XRCC5: variants seen among roughly 807,000 people sequenced by gnomAD.
The protein encoded by XRCC5 is X-ray repair cross complementing 5.
In XRCC5, 12 loss-of-function variants were observed where a neutral mutation model predicts 95.7. That is an observed-to-expected ratio of 0.13 (90% CI 0.08 to 0.20). The LOEUF (loss-of-function observed/expected upper bound fraction) is 0.20, where lower values mean the gene tolerates loss of function less well. XRCC5 is among the 10% of genes least tolerant of loss of function. XRCC5 has a pLI of 1.00. For missense variants in XRCC5, 595 were observed against 873.9 expected (o/e 0.68, Z 4.02); for synonymous variants, 281 against 290.3 (o/e 0.97, Z 0.33).
chr2:216,124,636 T>G (rs887053928), intron 6 of XRCC5, among the ~76,000 whole-genome samples: 3 of 152,208 alleles, frequency 2.0e-5, no homozygotes, highest in Non-Finnish European at 2.9e-5. Flanking sequence ...TACTATTCGT[T>G]GTAAATTATT....
chr2:216,116,040 A>G (rs1002059653), intron 2 of XRCC5, among the ~76,000 whole-genome samples: 3 of 152,190 alleles, frequency 2.0e-5, no homozygotes, highest in Non-Finnish European at 2.9e-5. Context: ...TTTTAGATCT[A>G]TTCATGTTGA....
In XRCC5 at chr2:216,119,036, CTT is replaced by C; in HGVS notation, c.369-4_369-3del. The C allele has an allele frequency of 6.2e-7, 1 of 1,613,470 alleles. No individual in the cohort carries two copies. On this transcript the variant is annotated splice_polypyrimidine_tract_variant and splice_region_variant and intron_variant, in intron 4 of 20. Coordinates refer to ENST00000392132, the MANE Select transcript of XRCC5 (RefSeq NM_021141.4). The stretch of plus-strand genomic sequence containing the variant: ...TGATTTCTTAATATGATAACTCTCT[CTT>C]TTAGAGGAAAGAAGTTTGAGAAGAG...
chr2:216,175,969 G>A (rs372508148), intron 16 of XRCC5: 106 of 301,304 alleles, frequency 3.5e-4, no homozygotes, highest in African/African-American at 1.8e-3. Flanking sequence ...TCCTCTTGGC[G>A]GCAGTGGCAA....
At chr2:216,115,605 A>C (rs1352780415) in intron 2 of XRCC5, among the ~76,000 whole-genome samples, 1 of 152,210 alleles carries the variant, frequency 6.6e-6, no homozygotes, top group Non-Finnish European at 1.5e-5. Flanking sequence ...GAATTCCATT[A>C]TCTCTCCATA....
chr2:216,148,043 GTC>G (rs1688672914), intron 13 of XRCC5, 38 bp from the exon 14 acceptor site: 1 of 1,580,846 alleles, frequency 6.3e-7, no homozygotes, highest in Admixed American at 2.0e-5. Flanking sequence ...AGCCATATAT[GTC>G]TCCATCTGTG....
In XRCC5 at chr2:216,116,839, G is replaced by T. The variant is rs1270587759; in HGVS notation, c.316G>T (p.Asp106Tyr). 6.2e-7 allele frequency: 1 copy of T among 1,611,880 alleles called. No individual in the cohort carries two copies. The highest frequency in any genetic ancestry group is 8.5e-7 in the Non-Finnish European group (1 of 1,178,230). ...SKIQPGSQQA[D>Y]FLDALIVSMD... ...AATCCAACCAGGTTCTCAACAGGCT[G>T]ACTGTATCCTTTTTCTGCCAGAGAA... The change falls in exon 3 of 21, where the codon GAC (aspartate) becomes TAC (tyrosine). Residue 106 changes from aspartate (D) to tyrosine (Y), a missense_variant. By Grantham distance (160) the Asp-to-Tyr change is radical. Transcript: ENST00000392132.
Position 216,204,335 on chromosome 2 carries a change from A to G in XRCC5, c.2123A>G (p.Lys708Arg), listed in dbSNP as rs1689902028. ...TTCTATTTACAGTTTCTGGCCCCCA[A>G]AGACAAACCAAGTGGAGACACAGCA... ...AEEAKKFLAPKDKPSGDTAAV... is the reference protein window; with the variant it reads ...AEEAKKFLAPRDKPSGDTAAV... The change falls in exon 20 of 21, where the codon AAA becomes AGA. Residue 708 changes from lysine (K) to arginine (R), a missense_variant. Around this residue, in one of 2 missense-constraint regions of XRCC5, gnomAD observed 309 missense variants for 382.9 expected, o/e 0.81. Coordinates refer to ENST00000392132, the MANE Select transcript of XRCC5 (RefSeq NM_021141.4). 6.2e-7 allele frequency: 1 copy of G among 1,613,920 alleles called. No individual in the cohort carries two copies. The highest frequency in any genetic ancestry group is 8.5e-7 in the Non-Finnish European group (1 of 1,179,838).
chr2:216,121,842 G>A (rs1696818285), intron 5 of XRCC5, among the ~76,000 whole-genome samples: 3 of 152,236 alleles, frequency 2.0e-5, no homozygotes, highest in Middle Eastern at 3.4e-3. Context: ...TGCCCTTTCA[G>A]TTACTTGGTT....
intron 2 of XRCC5, among the ~76,000 whole-genome samples, chr2:216,115,799 A>G (rs550259777): frequency 1.8e-3 from 252 of 142,072 alleles, no homozygotes; most frequent in African/African-American, 6.1e-3. Flanking sequence ...CTAATGTTTC[A>G]TATTTGTTTG....
rs539635977 is a variant in XRCC5, at chr2:216,178,659, C to T, written c.1835-11566C>T. Among the ~76,000 whole-genome samples, 4 of 152,300 alleles carry T rather than the reference C, an allele frequency of 2.6e-5. No individual in the cohort carries two copies. In the East Asian group the frequency reaches 7.7e-4, roughly 29 times the overall value. On this transcript the variant is annotated intron_variant, in intron 16 of 20. Coordinates refer to ENST00000392132, the MANE Select transcript of XRCC5 (RefSeq NM_021141.4). Reference sequence around the variant, plus strand: ...TTGGATGTGATATCTCATCCCTGTACATCTGCATATATATCTTATATAGCA... The same window carrying T: ...TTGGATGTGATATCTCATCCCTGTATATCTGCATATATATCTTATATAGCA...
chr2:216,137,614 C>T (rs1446405646), intron 11 of XRCC5, among the ~76,000 whole-genome samples: 2 of 152,186 alleles, frequency 1.3e-5, no homozygotes, highest in African/African-American at 4.8e-5. Flanking sequence ...AAATTACCTC[C>T]ATTTTTACAA....
chr2:216,138,526 T>TTTAGTGTTC (rs1697124820), intron 12 of XRCC5, among the ~76,000 whole-genome samples: 2 of 152,232 alleles, frequency 1.3e-5, no homozygotes, highest in Non-Finnish European at 2.9e-5. Context: ...GTGTTCTGTG[T>TTTAGTGTTC]AAAGTCTGAT....
At chr2:216,133,356 T>C (rs1697023527) in intron 10 of XRCC5, among the ~76,000 whole-genome samples, 1 of 152,278 alleles carries the variant, frequency 6.6e-6, no homozygotes, top group African/African-American at 2.4e-5. Context: ...GTTTTGTTTT[T>C]TTAAGAGACA....
rs573017111 is a variant in XRCC5, at chr2:216,109,636, T to G, written c.21+179T>G. 3.3e-5 allele frequency among the ~76,000 whole-genome samples: 5 copies of G among 152,168 alleles called. No homozygotes were observed. In the South Asian group the frequency reaches 8.3e-4, roughly 25 times the overall value. On this transcript the variant is annotated intron_variant, in intron 1 of 20. Transcript: ENST00000392132. The stretch of plus-strand genomic sequence containing the variant: ...ATGCGCTATGAGAAAAGCTGGAGAT[T>G]TGGGGCTCCAAGACCTGAATTTGAG...
At chr2:216,199,157 A>G (rs528245583) in intron 19 of XRCC5, among the ~76,000 whole-genome samples, 1 of 152,336 alleles carries the variant, frequency 6.6e-6, no homozygotes, top group South Asian at 2.1e-4. Flanking sequence ...TTAAAGAACA[A>G]TCCTCACAGT....
At chr2:216,175,393 T>A (rs1689253976) in intron 16 of XRCC5, 1 of 511,150 alleles carries the variant, frequency 2.0e-6, no homozygotes, top group Non-Finnish European at 3.9e-6. Flanking sequence ...CAGATCCACC[T>A]CCATCACCTC....
At chr2:216,148,596 T>G (rs186507481) in intron 14 of XRCC5, among the ~76,000 whole-genome samples, 1 of 152,326 alleles carries the variant, frequency 6.6e-6, no homozygotes, top group Admixed American at 6.5e-5. Context: ...AATGTCACCC[T>G]TTTTAAAGTA....
At position 216,160,145 on chromosome 2, in the gene XRCC5, A is replaced by G; in HGVS notation, c.1748A>G (p.Glu583Gly). 1.2e-6 allele frequency: 2 copies of G among 1,608,498 alleles called. No individual in the cohort carries two copies. Among genetic ancestry groups the G allele is most frequent in the Non-Finnish European group, 1.7e-6 (2 of 1,177,068 alleles). Residue 583 changes from glutamate (E) to glycine (G), a missense_variant, in exon 15 of 21, where the codon GAA (glutamate) becomes GGA (glycine). Transcript: ENST00000392132. ...GAHFSVSSLAEGSVTSVGSVN... is the reference protein window; with the variant it reads ...GAHFSVSSLAGGSVTSVGSVN... ...CACTTCAGCGTCTCCAGTCTGGCTG[A>G]AGGCAGTGTCACCTCTGTAAGCTAA...
chr2:216,141,154 T>C (rs1697163678), intron 12 of XRCC5, 32 bp from the exon 13 acceptor site: 1 of 1,609,444 alleles, frequency 6.2e-7, no homozygotes, highest in Non-Finnish European at 8.5e-7. Context: ...ATAATGGAAA[T>C]AATCATTTTT....
Sources: gnomAD v4.1 joint callset for allele counts (sites outside exome capture counted in the v4.1 genomes callset) on GRCh38, gnomAD v4.1.1 for gene constraint, gnomAD v4.1.1 regional missense constraint, MANE v1.5 for transcripts, NCBI Gene and HGNC (gene_info 2026-07-23, HGNC 2026-07-21) for gene names.